Variants in FGD6 observed in about 807,000 individuals in gnomAD.
FGD6 encodes FYVE, RhoGEF and PH domain-containing protein 6.
A neutral mutation model predicts 149.4 loss-of-function variants in FGD6; 90 were observed. The ratio of observed to expected loss-of-function variants is 0.60; its 90% confidence interval spans 0.51 to 0.72. The LOEUF is 0.72. Ranked by LOEUF, FGD6 falls within the 30% of genes least tolerant of loss-of-function variation. FGD6 has a pLI of 0.00. For missense variants in FGD6, 1,437 were observed against 1,684.8 expected, an observed-to-expected ratio of 0.85 and a Z score of 2.57; for synonymous variants, 527 against 584.0, an observed-to-expected ratio of 0.90 and a Z score of 1.41.
At chr12:95,140,750 T>A (rs1879818176) in intron 6 of FGD6, among the ~76,000 whole-genome samples, 1 of 152,242 alleles carries the variant, frequency 6.6e-6, no homozygotes, top group South Asian at 2.1e-4. Flanking sequence ...GAAACTATTC[T>A]AATGTGAATA....
chr12:95,169,742 A>T (rs1031592048), intron 3 of FGD6, among the ~76,000 whole-genome samples: 1 of 152,232 alleles, frequency 6.6e-6, no homozygotes, highest in Non-Finnish European at 1.5e-5. Flanking sequence ...CCAAAACAAT[A>T]GAAAAGAGTG....
intron 5 of FGD6, among the ~76,000 whole-genome samples, chr12:95,143,936 T>C (rs1158093954): frequency 6.6e-6 from 1 of 152,174 alleles, no homozygotes; most frequent in Admixed American, 6.5e-5. Context: ...ATGGCTATAT[T>C]TGTCTCCTGG....
intron 8 of FGD6, among the ~76,000 whole-genome samples, chr12:95,129,508 TGGTCTCTACCC>T (rs1879455613): frequency 6.6e-6 from 1 of 152,188 alleles, no homozygotes; most frequent in African/African-American, 2.4e-5. Flanking sequence ...ATAATAAAGA[TGGTCTCTACCC>T]GGAAGAGATG....
intron 5 of FGD6, among the ~76,000 whole-genome samples, chr12:95,145,367 C>T (rs1879981394): frequency 6.6e-6 from 1 of 152,194 alleles, no homozygotes; most frequent in South Asian, 2.1e-4. Flanking sequence ...TTAGGCCCAT[C>T]TGTGCACTTT....
At chr12:95,126,279 C>T (rs1468504599) in intron 8 of FGD6, 1 of 1,395,308 alleles carries the variant, frequency 7.2e-7, no homozygotes, top group East Asian at 2.4e-5. Context: ...CCAGAAGGTT[C>T]CTGCCCAGAA....
At chr12:95,158,862 A>T in intron 3 of FGD6, among the ~76,000 whole-genome samples, 1 of 150,388 alleles carries the variant, frequency 6.6e-6, no homozygotes, top group East Asian at 1.9e-4. Context: ...TCGTTAGTAA[A>T]AATAATAATA....
chr12:95,121,462 A>AAAAAATATAT (rs1425869453), intron 8 of FGD6, among the ~76,000 whole-genome samples: 1 of 60,318 alleles, frequency 1.7e-5, no homozygotes, highest in African/African-American at 9.7e-5. Flanking sequence ...AAAAAAAAAA[A>AAAAAATATAT]AGATATATAT....
rs191337339 is a variant in FGD6 at position 95,169,394 on chromosome 12, A to G, written c.2586+3206T>C. Among the ~76,000 whole-genome samples, 1,423 of 152,322 alleles carry G rather than the reference A, an allele frequency of 9.3e-3. 8 individuals carry two copies. Among genetic ancestry groups the G allele is most frequent in the Middle Eastern group, 0.017 (5 of 294 alleles). On this transcript the variant is annotated intron_variant, in intron 3 of 20. Coordinates refer to ENST00000343958, the MANE Select transcript of FGD6 (RefSeq NM_018351.4). ...TTAACTAAAGAAATAGTCCTTTAAA[A>G]AAAAAAAGGATAAAAATTTAACAGG...
intron 9 of FGD6, among the ~76,000 whole-genome samples, chr12:95,109,024 AT>A (rs1156881631): frequency 6.6e-6 from 1 of 152,166 alleles, no homozygotes; most frequent in Non-Finnish European, 1.5e-5. Flanking sequence ...AATGACTAAG[AT>A]CAGGTCTCAG....
rs60971253 is a variant in FGD6 at position 95,083,040 on chromosome 12, TAC to T, written c.4256+1456_4256+1457del. 9.2e-4 allele frequency among the ~76,000 whole-genome samples: 69 copies of T among 74,706 alleles called. 1 individual carries two copies. Among genetic ancestry groups the T allele is most frequent in the Non-Finnish European group, 1.3e-3 (51 of 39,618 alleles). The allele number at this position is 74,706 out of a possible 152,430, so 49.0% of individuals were successfully genotyped here. On this transcript the variant is annotated intron_variant, in intron 20 of 20. Coordinates refer to ENST00000343958, the MANE Select transcript of FGD6 (RefSeq NM_018351.4). ...ATATATATATATATATACACACACATACACACACACACACACACACACAGAAG... is the reference window on the plus strand; with the variant it reads ...ATATATATATATATATACACACACATACACACACACACACACACACAGAAG...
At chr12:95,186,862 C>T (rs1054511720) in intron 2 of FGD6, among the ~76,000 whole-genome samples, 3 of 152,164 alleles carry the variant, frequency 2.0e-5, no homozygotes, top group African/African-American at 4.8e-5. Flanking sequence ...TTAACCTCTC[C>T]GTGCCTCAGT....
chr12:95,194,036 T>G (rs1881670842), intron 2 of FGD6, among the ~76,000 whole-genome samples: 1 of 151,968 alleles, frequency 6.6e-6, no homozygotes. Flanking sequence ...TGGGCTCCAG[T>G]GATCTTCCTG....
intron 5 of FGD6, among the ~76,000 whole-genome samples, chr12:95,148,346 C>T (rs1880074424): frequency 6.7e-6 from 1 of 150,014 alleles, no homozygotes; most frequent in African/African-American, 2.4e-5. Flanking sequence ...AGCCTTGCCT[C>T]TGGCTCTATG....
intron 18 of FGD6, among the ~76,000 whole-genome samples, chr12:95,087,995 T>A (rs1243451942): frequency 6.6e-6 from 1 of 152,222 alleles, no homozygotes; most frequent in Non-Finnish European, 1.5e-5. Context: ...TAAAATATAG[T>A]TACATTGGAA....
At chr12:95,130,873 T>C (rs1264106715) in intron 8 of FGD6, among the ~76,000 whole-genome samples, 2 of 152,144 alleles carry the variant, frequency 1.3e-5, no homozygotes, top group East Asian at 1.9e-4. Context: ...GTTAACAGGA[T>C]GGATCACTTA....
At chr12:95,173,303 C>G (rs531407637) in intron 2 of FGD6, among the ~76,000 whole-genome samples, 35 of 152,180 alleles carry the variant, frequency 2.3e-4, no homozygotes, top group Non-Finnish European at 3.8e-4. Context: ...GTTACAAATT[C>G]TCAGATTATG....
Position 95,085,785 on chromosome 12 carries a change from T to G in FGD6, c.4102A>C (p.Ser1368Arg). ...CTTTAGATTTCAGATCTTACCTCAC[T>G]TGCAGCATATGTATATAGTACTTTA... ...KNKVLYTYAA[S>R]EDVAALESQP... Residue 1368 changes from serine to arginine, a missense_variant, in exon 19 of 21, where the codon AGT (serine) becomes CGT (arginine). Around this residue, in one of 2 missense-constraint regions of FGD6, gnomAD observed 382 missense variants for 538.7 expected, o/e 0.71. Coordinates refer to ENST00000343958, the MANE Select transcript of FGD6 (RefSeq NM_018351.4). 6.2e-7 allele frequency: 1 copy of G among 1,602,986 alleles called. No homozygotes were observed. The highest frequency in any genetic ancestry group is 8.5e-7 in the Non-Finnish European group (1 of 1,177,212).
At chr12:95,174,375 T>C (rs533950486) in intron 2 of FGD6, among the ~76,000 whole-genome samples, 18 of 152,258 alleles carry the variant, frequency 1.2e-4, no homozygotes, top group African/African-American at 3.9e-4. Context: ...TCTCTTTATA[T>C]CTTCTAAAAC....
At position 95,210,853 on chromosome 12, in the gene FGD6, T is replaced by A; in HGVS notation, c.431A>T (p.Asn144Ile). The change falls in exon 2 of 21, where the codon AAC becomes ATC. Residue 144 changes from asparagine to isoleucine, a missense_variant. Coordinates refer to ENST00000343958, the MANE Select transcript of FGD6 (RefSeq NM_018351.4). ...EPLEMNENLE[N>I]SKIDETLTIK... ...AGTCAAAGTCTCATCAATTTTACTG[T>A]TTTCTAAATTTTCATTCATTTCCAG... 2 of 1,610,298 alleles carry A rather than the reference T, an allele frequency of 1.2e-6. No individual in the cohort carries two copies. The highest frequency in any genetic ancestry group is 1.7e-6 in the Non-Finnish European group (2 of 1,179,192).
Sources: gnomAD v4.1 joint callset for allele counts (sites outside exome capture counted in the v4.1 genomes callset) on GRCh38, gnomAD v4.1.1 for gene constraint, gnomAD v4.1.1 regional missense constraint, MANE v1.5 for transcripts, NCBI Gene and HGNC (gene_info 2026-07-23, HGNC 2026-07-21) for gene names.